DAB1: variants seen among roughly 807,000 people sequenced by gnomAD.
DAB1 encodes DAB adaptor protein 1.
In DAB1, 15 loss-of-function variants were observed where a neutral mutation model predicts 64.6. That is an observed-to-expected ratio of 0.23 (90% CI 0.16 to 0.36). The LOEUF (loss-of-function observed/expected upper bound fraction) is 0.36. Among genes scored for constraint, DAB1 ranks in the 10% least tolerant of loss-of-function variants. DAB1 has a pLI of 1.00. For synonymous variants in DAB1, 235 were observed against 251.9 expected, an observed-to-expected ratio of 0.93 and a Z score of 0.64; for missense variants, 596 against 706.7, an observed-to-expected ratio of 0.84 and a Z score of 1.78.
intron 5 of DAB1, among the ~76,000 whole-genome samples, chr1:58,100,991 T>G (rs821529): frequency 0.23 from 35,209 of 152,036 alleles, 4,616 homozygotes; most frequent in East Asian, 0.39. Context: ...TGCAGCCTAA[T>G]GCAGACCCAA....
intron 2 of DAB1, among the ~76,000 whole-genome samples, chr1:57,162,067 A>C (rs949455387): frequency 6.6e-6 from 1 of 152,196 alleles, no homozygotes; most frequent in African/African-American, 2.4e-5. Context: ...AGAAAACAAT[A>C]TTGAGGATTC....
At chr1:57,341,367 T>A (rs1677569576) in intron 1 of DAB1, among the ~76,000 whole-genome samples, 1 of 152,190 alleles carries the variant, frequency 6.6e-6, no homozygotes, top group Admixed American at 6.5e-5. Context: ...GTTTTAACAC[T>A]CAGCAAACAA....
chr1:58,283,921 C>T (rs556226719), intron 4 of DAB1, among the ~76,000 whole-genome samples: 7 of 152,186 alleles, frequency 4.6e-5, no homozygotes, highest in Non-Finnish European at 8.8e-5. Context: ...CAGTGCCTGG[C>T]TCAGTGTACG....
intron 2 of DAB1, among the ~76,000 whole-genome samples, chr1:57,277,399 A>T (rs776043003): frequency 6.6e-6 from 1 of 152,110 alleles, no homozygotes; most frequent in Admixed American, 6.6e-5. Context: ...AAACATATAT[A>T]TCATGTATCT....
chr1:57,197,945 T>TA (rs35913397), intron 2 of DAB1, among the ~76,000 whole-genome samples: 47,645 of 152,036 alleles, frequency 0.31, 7,747 homozygotes, highest in Middle Eastern at 0.39. Flanking sequence ...GTAGTGTTAG[T>TA]AAAAATGAAA....
intron 7 of DAB1, among the ~76,000 whole-genome samples, chr1:57,523,901 G>C (rs1391316364): frequency 5.9e-5 from 9 of 151,820 alleles, no homozygotes; most frequent in African/African-American, 2.2e-4. Flanking sequence ...CTCCAGCCTG[G>C]ATGACAGAGC....
At chr1:58,107,891 A>G (rs1651757000) in intron 5 of DAB1, among the ~76,000 whole-genome samples, 1 of 152,124 alleles carries the variant, frequency 6.6e-6, no homozygotes, top group Non-Finnish European at 1.5e-5. Context: ...TGCTGGGATT[A>G]CAGGTGTGAG....
At chr1:57,212,599 C>T (rs983234465) in intron 2 of DAB1, among the ~76,000 whole-genome samples, 4 of 151,940 alleles carry the variant, frequency 2.6e-5, no homozygotes, top group Admixed American at 6.6e-5. Flanking sequence ...GATCTCCTAA[C>T]CTCGTGACCC....
chr1:57,948,084 G>C (rs925508235), intron 5 of DAB1, among the ~76,000 whole-genome samples: 2 of 152,126 alleles, frequency 1.3e-5, no homozygotes, highest in African/African-American at 4.8e-5. Flanking sequence ...CCTCTCACCT[G>C]CTTCACTAAC....
intron 3 of DAB1, among the ~76,000 whole-genome samples, chr1:58,442,394 G>C (rs1050707338): frequency 3.3e-5 from 5 of 152,166 alleles, no homozygotes; most frequent in Admixed American, 2.6e-4. Context: ...GTTCAGCTGA[G>C]GGAGAGAGCA....
At chr1:57,377,796 C>G (rs905853843) in intron 1 of DAB1, among the ~76,000 whole-genome samples, 18 of 152,112 alleles carry the variant, frequency 1.2e-4, no homozygotes, top group Admixed American at 6.6e-5. Context: ...TATGGGGAAG[C>G]TGCAGGGGAT....
intron 4 of DAB1, among the ~76,000 whole-genome samples, chr1:58,190,583 A>G (rs897789448): frequency 6.6e-6 from 1 of 152,132 alleles, no homozygotes; most frequent in Admixed American, 6.6e-5. Context: ...ATTACCATCC[A>G]TTGTCTCTTT....
At chr1:57,814,562 G>C (rs1350991372) in intron 6 of DAB1, among the ~76,000 whole-genome samples, 1 of 152,142 alleles carries the variant, frequency 6.6e-6, no homozygotes, top group African/African-American at 2.4e-5. Flanking sequence ...ATGAGCTATC[G>C]AGTTTGTATT....
intron 9 of DAB1, among the ~76,000 whole-genome samples, chr1:57,027,131 T>C (rs1475991858): frequency 6.6e-6 from 1 of 152,094 alleles, no homozygotes. Flanking sequence ...TCTAGGTTCA[T>C]CCAAAGAAGG....
intron 3 of DAB1, among the ~76,000 whole-genome samples, chr1:58,377,752 CTGGATAATATCCTG>C (rs2100543711): frequency 7.2e-6 from 1 of 138,506 alleles, no homozygotes; most frequent in Admixed American, 7.2e-5. Context: ...GGAAGTTCTC[CTGGATAATATCCTG>C]CAGAGTGTTT....
intron 6 of DAB1, among the ~76,000 whole-genome samples, chr1:57,742,006 G>C (rs939288358): frequency 6.6e-6 from 1 of 152,204 alleles, no homozygotes; most frequent in Admixed American, 6.5e-5. Flanking sequence ...GGCCCATGGG[G>C]GTGGAGGTTC....
intron 2 of DAB1, among the ~76,000 whole-genome samples, chr1:57,229,401 C>T (rs1186697272): frequency 1.3e-5 from 2 of 151,852 alleles, no homozygotes; most frequent in Non-Finnish European, 2.9e-5. Context: ...TACTATGTTG[C>T]TCAGGCTGGT....
At chr1:58,538,921 AG>A (rs1454559983) in intron 1 of DAB1, 19 of 872,800 alleles carry the variant, frequency 2.2e-5, no homozygotes, top group Non-Finnish European at 3.8e-5. Context: ...AGCAGGGCTT[AG>A]AGGATGCAAT....
chr1:57,595,155 A>C (rs372972921), intron 7 of DAB1, among the ~76,000 whole-genome samples: 1 of 152,240 alleles, frequency 6.6e-6, no homozygotes, highest in Admixed American at 6.5e-5. Context: ...TTTTTAAAAA[A>C]ATCTGTTTCT....
Sources: gnomAD v4.1 joint callset for allele counts (sites outside exome capture counted in the v4.1 genomes callset) on GRCh38, gnomAD v4.1.1 for gene constraint, MANE v1.5 for transcripts, NCBI Gene and HGNC (gene_info 2026-07-23, HGNC 2026-07-21) for gene names.